Variants in SELENOK observed in about 807,000 individuals in gnomAD.
SELENOK encodes the protein selenoprotein K.
A neutral mutation model predicts 17.3 loss-of-function variants in SELENOK; 11 were observed. The ratio of observed to expected loss-of-function variants is 0.63; its 90% CI spans 0.40 to 1.05. The LOEUF is 1.05. Among genes scored for constraint, SELENOK ranks in the 50% least tolerant of loss-of-function variants. The pLI is 0.00. For synonymous variants in SELENOK, 45 were observed against 35.4 expected, an observed-to-expected ratio of 1.27 and a Z score of -0.97; for missense variants, 125 against 113.9, an observed-to-expected ratio of 1.10 and a Z score of -0.44.
chr3:53,885,688 C>T, intron 4 of SELENOK, 127 bp from the exon 5 acceptor site: 1 of 1,248,300 alleles, frequency 8.0e-7, no homozygotes, highest in South Asian at 1.3e-5. Context: ...GTGAATTTTT[C>T]AAGGGTTAAG....
Position 53,886,878 on chromosome 3 carries a change from G to C in SELENOK, c.167C>G (p.Ser56Cys). ...TCTTCCATCATCATATCTGGAATCA[G>C]ATGAGTTTCCATAGCTTCTTCTTTT... ...VKKRRSYGNS[S>C]DSRYDDGRGP... The change falls in exon 3 of 5, where the codon TCT becomes TGT. Residue 56 changes from serine to cysteine, a missense_variant. Transcript: ENST00000495461. 1 of 1,570,712 alleles carries C rather than the reference G, an allele frequency of 6.4e-7. No individual in the cohort carries two copies. The highest frequency in any genetic ancestry group is 8.6e-7 in the Non-Finnish European group (1 of 1,156,110).
chr3:53,885,974 A>G, intron 3 of SELENOK, 62 bp from the exon 4 acceptor site: 2 of 1,113,880 alleles, frequency 1.8e-6, no homozygotes, highest in Non-Finnish European at 2.5e-6. Context: ...GTCTCCTTTT[A>G]AAAGCACTCA....
intron 3 of SELENOK, among the ~76,000 whole-genome samples, chr3:53,886,301 A>C (rs1700125469): frequency 6.6e-6 from 1 of 152,042 alleles, no homozygotes; most frequent in East Asian, 1.9e-4. Context: ...CAGTGGCACG[A>C]TCTCAGCTCA....
Position 53,885,158 on chromosome 3 carries a change from A to G in SELENOK, c.*400T>C, listed in dbSNP as rs1700114756. On this transcript the variant is annotated 3_prime_UTR_variant, in exon 5 of 5. Transcript: ENST00000495461. ...GATTTATAAATGAGAAAAAGTTAAC[A>G]ATGAACAGTGTTTCAGAAGTTGAAA... 1.2e-5 allele frequency: 2 copies of G among 160,390 alleles called. No individual in the cohort carries two copies. The allele number at this position is 160,390 out of a possible 1,614,324, so 9.9% of individuals were successfully genotyped here.
chr3:53,885,573 T>C lies in SELENOK; in HGVS notation c.282-12A>G. On this transcript the variant is annotated splice_polypyrimidine_tract_variant and intron_variant, in intron 4 of 4. Transcript: ENST00000495461. ...GAGCAGACATTTACCTGAAAGAAAA[T>C]GTTACAATAATTAGTTACTGGTTAT... 1 of 1,609,820 alleles carries C rather than the reference T, an allele frequency of 6.2e-7. No individual in the cohort carries two copies. The highest frequency in any genetic ancestry group is 8.5e-7 in the Non-Finnish European group (1 of 1,177,236).
intron 2 of SELENOK, 53 bp downstream of exon 2, chr3:53,888,340 T>C (rs182816092): frequency 3.9e-5 from 43 of 1,109,316 alleles, no homozygotes; most frequent in Non-Finnish European, 5.4e-5. Flanking sequence ...ATGCACATGA[T>C]GTATACCTGT....
Position 53,886,937 on chromosome 3 carries a change from GA to G in SELENOK, c.111-4del. Reference sequence around the variant, plus strand: ...CTTGCTGAAGCAGAGTTTTGAAACTGAAACAAGGGGCAGAAAACAACAAAGG... The same window carrying G: ...CTTGCTGAAGCAGAGTTTTGAAACTGAACAAGGGGCAGAAAACAACAAAGG... On this transcript the variant is annotated splice_polypyrimidine_tract_variant and splice_region_variant and intron_variant, in intron 2 of 4. Coordinates refer to ENST00000495461, the MANE Select transcript of SELENOK (RefSeq NM_021237.5). The G allele has an allele frequency of 6.5e-7, 1 of 1,548,666 alleles. No individual in the cohort carries two copies. Among genetic ancestry groups the G allele is most frequent in the Non-Finnish European group, 8.7e-7 (1 of 1,145,662 alleles).
intron 2 of SELENOK, chr3:53,888,079 ATAG>A: frequency 5.2e-6 from 1 of 190,824 alleles, no homozygotes; most frequent in South Asian, 1.5e-4. Flanking sequence ...CAAAACAAGA[ATAG>A]TAGAGAGAAA....
Position 53,891,818 on chromosome 3 carries a change from C to A in SELENOK, c.-30G>T, listed in dbSNP as rs757637237. The A allele has an allele frequency of 8.1e-6, 13 of 1,613,730 alleles. No homozygotes were observed. Among genetic ancestry groups the A allele is most frequent in the African/African-American group, 1.3e-5 (1 of 75,072 alleles). Reference sequence around the variant, plus strand: ...TCCCACTTCCCCGCTTCGGAGCCACCGGGCGCCTGGCCCCTGTCGGTTTCT... The same window carrying A: ...TCCCACTTCCCCGCTTCGGAGCCACAGGGCGCCTGGCCCCTGTCGGTTTCT... On this transcript the variant is annotated 5_prime_UTR_variant, in exon 1 of 5. Coordinates refer to ENST00000495461, the MANE Select transcript of SELENOK (RefSeq NM_021237.5).
rs571553768 is a variant in SELENOK, at chr3:53,891,837, G to C, written c.-49C>G. ...AGCCACCGGGCGCCTGGCCCCTGTC[G>C]GTTTCTGTATCTCCCTCTGCTCCCC... On this transcript the variant is annotated 5_prime_UTR_variant, in exon 1 of 5. Coordinates refer to ENST00000495461, the MANE Select transcript of SELENOK (RefSeq NM_021237.5). 10 of 1,607,364 alleles carry C rather than the reference G, an allele frequency of 6.2e-6. No individual in the cohort carries two copies. Among genetic ancestry groups the C allele is most frequent in the Middle Eastern group, 1.7e-4 (1 of 6,042 alleles).
intron 1 of SELENOK, among the ~76,000 whole-genome samples, chr3:53,889,871 G>C (rs1208806982): frequency 6.6e-6 from 1 of 152,114 alleles, no homozygotes; most frequent in Non-Finnish European, 1.5e-5. Context: ...AATTCTAATA[G>C]ACTCTAGCTT....
intron 1 of SELENOK, among the ~76,000 whole-genome samples, chr3:53,889,623 G>A (rs946927746): frequency 5.3e-5 from 8 of 152,268 alleles, no homozygotes; most frequent in Middle Eastern, 3.4e-3. Context: ...CAAATGGGAC[G>A]GGTGAATATA....
chr3:53,890,055 A>G (rs1337404390), intron 1 of SELENOK, among the ~76,000 whole-genome samples: 1 of 152,170 alleles, frequency 6.6e-6, no homozygotes, highest in Admixed American at 6.5e-5. Context: ...ACTCACCTCT[A>G]CCCACTCCAT....
intron 2 of SELENOK, among the ~76,000 whole-genome samples, chr3:53,887,711 A>C (rs1700136892): frequency 6.6e-6 from 1 of 152,214 alleles, no homozygotes; most frequent in African/African-American, 2.4e-5. Context: ...CCACCCTTGC[A>C]ATATGAAGAT....
At position 53,891,823 on chromosome 3, in the gene SELENOK, G is replaced by A. The variant is rs374093533; in HGVS notation, c.-35C>T. On this transcript the variant is annotated 5_prime_UTR_variant, in exon 1 of 5. Transcript: ENST00000495461. ...CTTCCCCGCTTCGGAGCCACCGGGC[G>A]CCTGGCCCCTGTCGGTTTCTGTATC... 72 of 1,613,340 alleles carry A rather than the reference G, an allele frequency of 4.5e-5. No homozygotes were observed. The highest frequency in any genetic ancestry group is 1.1e-5 in the South Asian group (1 of 91,054).
At chr3:53,891,651 C>G (rs769732040) in intron 1 of SELENOK, 119 bp downstream of exon 1, 1 of 1,357,542 alleles carries the variant, frequency 7.4e-7, no homozygotes, top group Non-Finnish European at 1.0e-6. Context: ...CGCCCGGCCG[C>G]GGGGCGCTAA....
chr3:53,885,471 G>T lies in SELENOK; in HGVS notation c.*87C>A. On this transcript the variant is annotated 3_prime_UTR_variant, in exon 5 of 5. Coordinates refer to ENST00000495461, the MANE Select transcript of SELENOK (RefSeq NM_021237.5). ...GTTTAGACATACACATTCATCTACT[G>T]CTCATCATGGTCAGCCTTCCACTTC... The T allele has an allele frequency of 7.8e-7, 1 of 1,284,902 alleles. No individual in the cohort carries two copies. 79.6% of individuals were successfully genotyped at this position (1,284,902 alleles called of 1,614,324 possible). A position where few individuals can be genotyped will look rare whatever the true frequency, so the allele number is the denominator to read the frequency against.
At position 53,885,742 on chromosome 3, in the gene SELENOK, G is replaced by T; in HGVS notation, c.281+84C>A. On this transcript the variant is annotated intron_variant, in intron 4 of 4. Coordinates refer to ENST00000495461, the MANE Select transcript of SELENOK (RefSeq NM_021237.5). Reference sequence around the variant, plus strand: ...AATAATGTCTGAGTAATTATAAGCTGCTGGGCAACTTCTTAAAGAAAACAT... The same window carrying T: ...AATAATGTCTGAGTAATTATAAGCTTCTGGGCAACTTCTTAAAGAAAACAT... 3.9e-6 allele frequency: 5 copies of T among 1,268,728 alleles called. No homozygotes were observed. The East Asian group carries it at 7.3e-5, about 19-fold the overall frequency. 78.6% of individuals were successfully genotyped at this position (1,268,728 alleles called of 1,614,324 possible). A position where few individuals can be genotyped will look rare whatever the true frequency, so the allele number is the denominator to read the frequency against.
rs541591567 is a variant in SELENOK at position 53,885,351 on chromosome 3, T to C, written c.*207A>G. ...ACAAAAAGGTAATGAGACAAACATC[T>C]GCATTTATGGAACTGCATGTCAGTC... On this transcript the variant is annotated 3_prime_UTR_variant, in exon 5 of 5. Transcript: ENST00000495461. The C allele has an allele frequency of 4.2e-6, 2 of 479,056 alleles. No homozygotes were observed. The highest frequency in any genetic ancestry group is 6.6e-5 in the East Asian group (2 of 30,178). 29.7% of individuals were successfully genotyped at this position (479,056 alleles called of 1,614,324 possible).
Sources: gnomAD v4.1 joint callset for allele counts (sites outside exome capture counted in the v4.1 genomes callset) on GRCh38, gnomAD v4.1.1 for gene constraint, MANE v1.5 for transcripts, NCBI Gene and HGNC (gene_info 2026-07-23, HGNC 2026-07-21) for gene names.